The following EBF1 variants were observed in gnomAD, a reference collection of about 807,000 sequenced individuals.
EBF1 encodes the protein transcription factor COE1.
In EBF1, 10 loss-of-function variants were observed where a neutral mutation model predicts 68.4. That is an observed-to-expected ratio of 0.15 (90% CI 0.09 to 0.25). The LOEUF is 0.25. EBF1 is among the 10% of genes least tolerant of loss of function. The pLI, the probability that EBF1 is intolerant of heterozygous loss-of-function variation, is 1.00. For synonymous variants in EBF1, 298 were observed against 299.8 expected (o/e 0.99, Z 0.06); for missense variants, 509 against 794.4 (o/e 0.64, Z 4.32).
At chr5:158,867,027 C>A (rs1216039152) in intron 6 of EBF1, among the ~76,000 whole-genome samples, 1 of 151,676 alleles carries the variant, frequency 6.6e-6, no homozygotes, top group Non-Finnish European at 1.5e-5. Flanking sequence ...TGTGCAATAT[C>A]CCCTGTACTT....
intron 6 of EBF1, among the ~76,000 whole-genome samples, chr5:158,850,162 G>A (rs1792355509): frequency 6.6e-6 from 1 of 152,052 alleles, no homozygotes; most frequent in Non-Finnish European, 1.5e-5. Flanking sequence ...GTAACCCAAA[G>A]GAATAAAAGG....
intron 6 of EBF1, among the ~76,000 whole-genome samples, chr5:158,990,312 C>G (rs574407931): frequency 3.3e-5 from 5 of 152,312 alleles, no homozygotes; most frequent in South Asian, 2.1e-4. Flanking sequence ...GCAATCCTGG[C>G]TCCGTGAAGC....
At chr5:158,838,445 C>CAA (rs11464337) in intron 7 of EBF1, among the ~76,000 whole-genome samples, 7,574 of 109,972 alleles carry the variant, frequency 0.069, 539 homozygotes, top group African/African-American at 0.18. Flanking sequence ...GACTCCATCT[C>CAA]AAAAAAAAAA....
In EBF1 at chr5:158,796,348, A is replaced by G. The variant is rs1779613301; in HGVS notation, c.906T>C (p.Ser302=). Residue 302 remains serine (S), a synonymous_variant, in exon 9 of 16, where the codon AGT becomes AGC. Transcript: ENST00000313708. ...QVIFGTMLVW[S]ELITPHAIRV... Reference sequence around the variant, plus strand: ...TTAATGTTCAGACAACACCTACCTCACTCCAGACCAGCATGGTACCGAATA... The same window carrying G: ...TTAATGTTCAGACAACACCTACCTCGCTCCAGACCAGCATGGTACCGAATA... 1 of 1,609,584 alleles carries G rather than the reference A, an allele frequency of 6.2e-7. No homozygotes were observed.
At chr5:158,756,087 A>G (rs2127601538) in intron 10 of EBF1, among the ~76,000 whole-genome samples, 1 of 152,168 alleles carries the variant, frequency 6.6e-6, no homozygotes, top group East Asian at 1.9e-4. Flanking sequence ...CTGGCTGCTA[A>G]CTTGCTGAAT....
intron 10 of EBF1, among the ~76,000 whole-genome samples, chr5:158,762,826 C>T (rs1309429809): frequency 6.6e-6 from 1 of 152,164 alleles, no homozygotes; most frequent in Non-Finnish European, 1.5e-5. Context: ...TAAGCCACTG[C>T]ACCCAGCTAA....
chr5:158,815,818 G>A (rs1328688970), intron 8 of EBF1, among the ~76,000 whole-genome samples: 1 of 152,160 alleles, frequency 6.6e-6, no homozygotes, highest in African/African-American at 2.4e-5. Flanking sequence ...ACATCGTTGT[G>A]CATTATCTTG....
intron 9 of EBF1, among the ~76,000 whole-genome samples, chr5:158,786,218 G>C (rs902492577): frequency 2.0e-5 from 3 of 151,748 alleles, no homozygotes; most frequent in African/African-American, 7.3e-5. Context: ...TCCTCATTAA[G>C]CATTCACAGA....
chr5:158,715,815 A>G (rs1019475757), intron 11 of EBF1, among the ~76,000 whole-genome samples: 1 of 152,196 alleles, frequency 6.6e-6, no homozygotes, highest in Non-Finnish European at 1.5e-5. Flanking sequence ...TGCCTTCACT[A>G]AAACCTCTTG....
chr5:158,838,025 A>G (rs796803269), intron 7 of EBF1, among the ~76,000 whole-genome samples: 14 of 152,312 alleles, frequency 9.2e-5, no homozygotes, highest in Admixed American at 2.6e-4. Context: ...GTAGCACCAC[A>G]TGTGTGGTTT....
chr5:158,849,380 ATC>A (rs906308831), intron 6 of EBF1, among the ~76,000 whole-genome samples: 3 of 152,126 alleles, frequency 2.0e-5, no homozygotes, highest in Non-Finnish European at 4.4e-5. Flanking sequence ...GCCTCCCTGG[ATC>A]TGAAATGCCT....
intron 6 of EBF1, among the ~76,000 whole-genome samples, chr5:158,952,122 C>T (rs1485927455): frequency 1.3e-5 from 2 of 152,180 alleles, no homozygotes; most frequent in African/African-American, 2.4e-5. Flanking sequence ...GCCGGCCTCT[C>T]AGTATTCCCC....
At chr5:158,981,704 T>C (rs1001817296) in intron 6 of EBF1, among the ~76,000 whole-genome samples, 5 of 152,214 alleles carry the variant, frequency 3.3e-5, no homozygotes, top group African/African-American at 9.6e-5. Context: ...AGGTTTTATG[T>C]TGTTGGTTGT....
At chr5:159,029,251 A>T (rs2127737859) in intron 6 of EBF1, among the ~76,000 whole-genome samples, 1 of 152,358 alleles carries the variant, frequency 6.6e-6, no homozygotes, top group East Asian at 1.9e-4. Flanking sequence ...TTAATGATAG[A>T]TACACGATGT....
chr5:158,777,596 C>T, intron 9 of EBF1, 57 bp from the exon 10 acceptor site: 1 of 1,533,826 alleles, frequency 6.5e-7, no homozygotes, highest in Non-Finnish European at 8.8e-7. Flanking sequence ...ACTTCACAGT[C>T]TTCCTAATAG....
intron 6 of EBF1, among the ~76,000 whole-genome samples, chr5:158,964,996 C>G (rs1753826681): frequency 6.6e-6 from 1 of 152,108 alleles, no homozygotes; most frequent in Non-Finnish European, 1.5e-5. Flanking sequence ...ACAAATAATC[C>G]AACGTGTTGA....
At chr5:159,007,557 C>G (rs141877471) in intron 6 of EBF1, among the ~76,000 whole-genome samples, 2 of 152,260 alleles carry the variant, frequency 1.3e-5, no homozygotes, top group Non-Finnish European at 2.9e-5. Context: ...TTGGTTCGCT[C>G]TGGTTGGGAA....
chr5:159,013,580 A>G (rs1267588594), intron 6 of EBF1, among the ~76,000 whole-genome samples: 1 of 152,196 alleles, frequency 6.6e-6, no homozygotes, highest in Non-Finnish European at 1.5e-5. Context: ...TGGAGGGCCC[A>G]CAATGCTGTG....
intron 6 of EBF1, among the ~76,000 whole-genome samples, chr5:159,004,939 C>T (rs759299521): frequency 6.6e-5 from 10 of 152,174 alleles, no homozygotes; most frequent in Non-Finnish European, 1.3e-4. Context: ...CCCAGCATGT[C>T]ACGGAATAAT....
Sources: gnomAD v4.1 joint callset for allele counts (sites outside exome capture counted in the v4.1 genomes callset) on GRCh38, gnomAD v4.1.1 for gene constraint, MANE v1.5 for transcripts, NCBI Gene and HGNC (gene_info 2026-07-23, HGNC 2026-07-21) for gene names.